The following C7orf33 variants were observed in gnomAD, a reference collection of about 807,000 sequenced individuals.
C7orf33 encodes the protein chromosome 7 open reading frame 33, also known as uncharacterized protein C7orf33.
C7orf33 carries 15 observed loss-of-function variants against 13.4 expected under a neutral mutation model. The ratio of observed to expected loss-of-function variants is 1.12; its 90% CI spans 0.75 to 1.72. The LOEUF is 1.72. Ranked by LOEUF, C7orf33 falls within the 40% of genes most tolerant of loss-of-function variation. The pLI is 0.00. For missense variants in C7orf33, 187 were observed against 220.3 expected, an observed-to-expected ratio of 0.85 and a Z score of 0.96; for synonymous variants, 73 against 83.2, an observed-to-expected ratio of 0.88 and a Z score of 0.67.
At chr7:148,614,360 C>A (rs2116905809) in intron 2 of C7orf33, 64 bp downstream of exon 2, 2 of 1,521,004 alleles carry the variant, frequency 1.3e-6, no homozygotes, top group South Asian at 2.5e-5. Flanking sequence ...TCTGAAACTT[C>A]CATGAAAATG....
At chr7:148,595,637 AT>A (rs1563120407) in intron 1 of C7orf33, among the ~76,000 whole-genome samples, 2,085 of 83,926 alleles carry the variant, frequency 0.025, 35 homozygotes, top group Admixed American at 0.058. Flanking sequence ...ATACATCTAT[AT>A]TATATAGATA....
chr7:148,598,028 T>C (rs1796362508), intron 1 of C7orf33, among the ~76,000 whole-genome samples: 1 of 152,222 alleles, frequency 6.6e-6, no homozygotes, highest in Admixed American at 6.5e-5. Context: ...GTATTGGGAT[T>C]ACAGGAGTGA....
At chr7:148,595,402 T>C (rs1377349647) in intron 1 of C7orf33, among the ~76,000 whole-genome samples, 1 of 131,926 alleles carries the variant, frequency 7.6e-6, no homozygotes, top group Non-Finnish European at 1.6e-5. Context: ...ATATCATAGA[T>C]AATATAGATC....
intron 1 of C7orf33, among the ~76,000 whole-genome samples, chr7:148,597,760 T>TTTTG (rs1796357418): frequency 6.7e-6 from 1 of 150,218 alleles, no homozygotes; most frequent in Non-Finnish European, 1.5e-5. Context: ...TTTTGTTTTG[T>TTTTG]TTTGTTTTGT....
At chr7:148,611,447 C>T (rs140716643) in intron 1 of C7orf33, among the ~76,000 whole-genome samples, 20 of 152,252 alleles carry the variant, frequency 1.3e-4, no homozygotes, top group South Asian at 2.1e-4. Flanking sequence ...GTCTTGATGC[C>T]GAGGGAAGGT....
At chr7:148,615,003 G>C (rs1244174331) in intron 2 of C7orf33, among the ~76,000 whole-genome samples, 1 of 152,154 alleles carries the variant, frequency 6.6e-6, no homozygotes, top group Non-Finnish European at 1.5e-5. Context: ...AATTGATTTT[G>C]TTAGGAACTG....
intron 1 of C7orf33, among the ~76,000 whole-genome samples, chr7:148,604,453 A>G (rs796346443): frequency 9.8e-5 from 15 of 152,290 alleles, no homozygotes; most frequent in African/African-American, 3.4e-4. Flanking sequence ...AAGTGAAGTA[A>G]CTCAGGAACG....
chr7:148,591,161 C>A, intron 1 of C7orf33, 32 bp downstream of exon 1: 1 of 1,518,000 alleles, frequency 6.6e-7, no homozygotes, highest in Non-Finnish European at 9.1e-7. Context: ...GAATCAACTG[C>A]TCTTTGAGTC....
intron 1 of C7orf33, among the ~76,000 whole-genome samples, chr7:148,592,072 C>T (rs935732380): frequency 5.9e-5 from 9 of 152,208 alleles, no homozygotes; most frequent in African/African-American, 2.2e-4. Flanking sequence ...TGTTGCAGTT[C>T]CTGGCTTCTT....
At chr7:148,608,056 A>G (rs1796493623) in intron 1 of C7orf33, among the ~76,000 whole-genome samples, 1 of 152,164 alleles carries the variant, frequency 6.6e-6, no homozygotes. Context: ...AAAAAAATAG[A>G]TGAAGGAAAA....
chr7:148,600,759 A>G (rs1796402685), intron 1 of C7orf33, among the ~76,000 whole-genome samples: 1 of 140,960 alleles, frequency 7.1e-6, no homozygotes, highest in African/African-American at 2.7e-5. Context: ...TTTGGGCTTG[A>G]TTCATCTTTA....
rs201949537 is a variant in C7orf33, at chr7:148,614,062, C to T, written c.225C>T (p.Asn75=). Residue 75 remains asparagine (N), a synonymous_variant, in exon 2 of 3, where the codon AAC becomes AAT. Transcript: ENST00000307003. ...TCCAGAAGCCAAACCCACACCAAAACATGAACCGGGGGATGGAATTTATTG... is the reference window on the plus strand; with the variant it reads ...TCCAGAAGCCAAACCCACACCAAAATATGAACCGGGGGATGGAATTTATTG... ...GRHKKPNPHQ[N]MNRGMEFIAP... is the part of the protein sequence containing the mutation. 10 of 1,613,912 alleles carry T rather than the reference C, an allele frequency of 6.2e-6. No homozygotes were observed. The highest frequency in any genetic ancestry group is 8.5e-6 in the Non-Finnish European group (10 of 1,179,922).
chr7:148,613,382 T>G (rs993799820), intron 1 of C7orf33, among the ~76,000 whole-genome samples: 1 of 152,234 alleles, frequency 6.6e-6, no homozygotes, highest in African/African-American at 2.4e-5. Context: ...ATAGCAGCAT[T>G]ATTCATAATA....
At chr7:148,614,439 A>C in intron 2 of C7orf33, 143 bp downstream of exon 2, 1 of 1,006,104 alleles carries the variant, frequency 9.9e-7, no homozygotes, top group Non-Finnish European at 1.4e-6. Context: ...CCAGCATGAA[A>C]CTGATCTGAT....
intron 1 of C7orf33, among the ~76,000 whole-genome samples, chr7:148,594,171 CTTT>C (rs940143798): frequency 7.7e-6 from 1 of 129,300 alleles, no homozygotes; most frequent in Non-Finnish European, 1.6e-5. Flanking sequence ...AACCTCTTTT[CTTT>C]TTTTTTTTTT....
chr7:148,595,467 ATGC>A, intron 1 of C7orf33, among the ~76,000 whole-genome samples: 1 of 130,974 alleles, frequency 7.6e-6, no homozygotes, highest in African/African-American at 3.0e-5. Context: ...AGCTATATAT[ATGC>A]TATTATATAT....
intron 1 of C7orf33, among the ~76,000 whole-genome samples, chr7:148,600,125 A>G (rs2116893169): frequency 6.6e-6 from 1 of 152,252 alleles, no homozygotes; most frequent in Admixed American, 6.5e-5. Flanking sequence ...GGGTACCTCT[A>G]GCCATTTGGG....
chr7:148,591,144 C>CATCTTAGAATCAT lies in C7orf33; in HGVS notation c.204+15_204+16insATCTTAGAATCAT. 2 of 1,596,186 alleles carry CATCTTAGAATCAT rather than the reference C, an allele frequency of 1.3e-6. No individual in the cohort carries two copies. The highest frequency in any genetic ancestry group is 1.7e-6 in the Non-Finnish European group (2 of 1,164,330). ...GAAGACATAAGGTAAGTTAATGATT[C>CATCTTAGAATCAT]TAAGATGAATCAACTGCTCTTTGAG... is the stretch of plus-strand genomic sequence containing the variant. On this transcript the variant is annotated intron_variant, in intron 1 of 2. Coordinates refer to ENST00000307003, the MANE Select transcript of C7orf33 (RefSeq NM_145304.4).
chr7:148,613,733 A>G (rs1796572237), intron 1 of C7orf33, among the ~76,000 whole-genome samples: 1 of 152,202 alleles, frequency 6.6e-6, no homozygotes, highest in Non-Finnish European at 1.5e-5. Context: ...TAAAATTGAC[A>G]GTGGTGACGG....
Sources: gnomAD v4.1 joint callset for allele counts (sites outside exome capture counted in the v4.1 genomes callset) on GRCh38, gnomAD v4.1.1 for gene constraint, MANE v1.5 for transcripts, NCBI Gene and HGNC (gene_info 2026-07-23, HGNC 2026-07-21) for gene names.